Variants in TET2 observed in about 807,000 individuals in gnomAD.
TET2 encodes methylcytosine dioxygenase TET2.
In TET2, 299 loss-of-function variants were observed where a neutral mutation model predicts 142.9. The ratio of observed to expected loss-of-function variants is 2.09; its 90% CI spans 1.90 to 2.30. The LOEUF (loss-of-function observed/expected upper bound fraction) is 2.30. Among genes scored for constraint, TET2 ranks in the 30% most tolerant of loss-of-function variants. The pLI, the probability that TET2 is intolerant of heterozygous loss-of-function variation, is 0.00. For missense variants in TET2, 2,418 were observed against 2,378.0 expected, an observed-to-expected ratio of 1.02 and a Z score of -0.35; for synonymous variants, 819 against 849.0, an observed-to-expected ratio of 0.96 and a Z score of 0.61.
intron 1 of TET2, among the ~76,000 whole-genome samples, chr4:105,186,227 C>G (rs1256473237): frequency 6.6e-6 from 1 of 152,052 alleles, no homozygotes; most frequent in Non-Finnish European, 1.5e-5. Context: ...AAGACCCTGT[C>G]TCAAGAAAAC....
rs1221742362 is a variant in TET2, at chr4:105,234,644, T to A, written c.702T>A (p.Tyr234Ter). The A allele has an allele frequency of 6.2e-7, 1 of 1,614,022 alleles. No individual in the cohort carries two copies. ...TGGAAAAAACACTGTCTCAATATTA[T>A]CCAGATTGTGTTTCCATTGCGGTGC... ...ELLEKTLSQY[Y>*]PDCVSIAVQK... The change falls in exon 3 of 11, where the codon TAT becomes TAA. Residue 234 changes from tyrosine (Y) to a stop codon, truncating the protein, a stop_gained. Coordinates refer to ENST00000380013, the MANE Select transcript of TET2 (RefSeq NM_001127208.3). LOFTEE classifies it high-confidence loss of function.
At chr4:105,269,773 C>A (rs2110301290) in intron 9 of TET2, 26 bp downstream of exon 9, 1 of 1,550,644 alleles carries the variant, frequency 6.4e-7, no homozygotes, top group Non-Finnish European at 8.7e-7. Flanking sequence ...GACAGCTTAG[C>A]AGCTGTTGAG....
rs755404521 is a variant in TET2, at chr4:105,236,453, T to A, written c.2511T>A (p.Asn837Lys). The change falls in exon 3 of 11, where the codon AAT becomes AAA. Residue 837 changes from asparagine (N) to lysine (K), a missense_variant. Physicochemically the swap from Asn to Lys is moderately conservative, Grantham distance 94. Transcript: ENST00000380013. The stretch of plus-strand genomic sequence containing the variant: ...AAATACAGGTTTCTTGTTCAAACAA[T>A]ACACACCTAGTTTCAGAGAATAAAG... ...ACKIQVSCSN[N>K]THLVSENKEQ... 1.8e-5 allele frequency: 29 copies of A among 1,614,054 alleles called. No individual in the cohort carries two copies. Among genetic ancestry groups the A allele is most frequent in the Non-Finnish European group, 2.5e-5 (29 of 1,179,992 alleles).
intron 6 of TET2, among the ~76,000 whole-genome samples, chr4:105,256,983 TAC>T (rs569470334): frequency 4.6e-5 from 7 of 152,214 alleles, no homozygotes; most frequent in Non-Finnish European, 1.0e-4. Flanking sequence ...GTTATTTAAA[TAC>T]AGTTTTCTTT....
rs1334737410 is a variant in TET2, at chr4:105,236,323, C to T, written c.2381C>T (p.Ser794Leu). The T allele has an allele frequency of 1.9e-6, 3 of 1,613,870 alleles. No individual in the cohort carries two copies. Among genetic ancestry groups the T allele is most frequent in the Non-Finnish European group, 2.5e-6 (3 of 1,180,000 alleles). Residue 794 changes from serine to leucine, a missense_variant, in exon 3 of 11, where the codon TCA (serine) becomes TTA (leucine). Ser to Leu is a moderately radical substitution (Grantham distance 145). Coordinates refer to ENST00000380013, the MANE Select transcript of TET2 (RefSeq NM_001127208.3). The part of the protein sequence containing the change: ...CFHGENQYSK[S>L]SEFETHNVQM... ...CATGGTGAAAATCAGTATTCAAAAT[C>T]AAGCGAGTTCGAGACTCATAATGTC...
intron 8 of TET2, among the ~76,000 whole-genome samples, chr4:105,262,845 C>T (rs1730506684): frequency 6.6e-6 from 1 of 151,166 alleles, no homozygotes; most frequent in African/African-American, 2.4e-5. Context: ...CAAACCATTG[C>T]ACTCCAGCCT....
chr4:105,165,145 C>T (rs12641113), intron 1 of TET2, among the ~76,000 whole-genome samples: 31,301 of 151,934 alleles, frequency 0.21, 4,185 homozygotes, highest in East Asian at 0.62. Context: ...GAGGCCGAGG[C>T]GGGCAGATCA....
chr4:105,239,351 A>G lies in TET2; in HGVS notation c.3410-1988A>G, dbSNP rs2110243990. On this transcript the variant is annotated intron_variant, in intron 3 of 10. Coordinates refer to ENST00000380013, the MANE Select transcript of TET2 (RefSeq NM_001127208.3). ...TGACTTCTATCTATGAAAGTCTTAG[A>G]TGGCACCTTGTTTCAATAGTAGGCT... 1.2e-5 allele frequency: 3 copies of G among 240,504 alleles called. No individual in the cohort carries two copies. In the East Asian group the frequency reaches 1.9e-4, roughly 15 times the overall value. The allele number at this position is 240,504 out of a possible 1,614,324, so 14.9% of individuals were successfully genotyped here.
chr4:105,204,344 G>A (rs1470713406), intron 2 of TET2, among the ~76,000 whole-genome samples: 2 of 150,438 alleles, frequency 1.3e-5, no homozygotes, highest in African/African-American at 4.9e-5. Context: ...TCAAGGACAA[G>A]AATCTTGAAT....
chr4:105,204,234 T>TACAC (rs763239434), intron 2 of TET2, among the ~76,000 whole-genome samples: 3,484 of 125,854 alleles, frequency 0.028, 59 homozygotes, highest in African/African-American at 0.032. Context: ...AAAAAATATA[T>TACAC]ACACACACAC....
At chr4:105,273,262 C>A (rs72963046) in intron 10 of TET2, among the ~76,000 whole-genome samples, 1,900 of 152,302 alleles carry the variant, frequency 0.012, 38 homozygotes, top group African/African-American at 0.042. Context: ...CCAGAGTCTT[C>A]TCTAAAGTAG....
At chr4:105,260,452 C>G (rs1427785517) in intron 7 of TET2, among the ~76,000 whole-genome samples, 1 of 151,514 alleles carries the variant, frequency 6.6e-6, no homozygotes, top group Non-Finnish European at 1.5e-5. Flanking sequence ...CCAATAAACC[C>G]ATCCTAAAGT....
Position 105,233,901 on chromosome 4 carries a change from C to A in TET2, c.-42C>A. On this transcript the variant is annotated 5_prime_UTR_variant, in exon 3 of 11. Transcript: ENST00000380013. ...TTTTGTTTCCATGCTCTTTAGAATT[C>A]AACTAGAGGGCAGCCTTGTGGATGG... is the stretch of plus-strand genomic sequence containing the variant. 6.5e-7 allele frequency: 1 copy of A among 1,546,042 alleles called. No homozygotes were observed. Among genetic ancestry groups the A allele is most frequent in the Non-Finnish European group, 8.7e-7 (1 of 1,143,194 alleles).
At position 105,279,144 on chromosome 4, in the gene TET2, T is replaced by C. The variant is rs1443792065; in HGVS notation, c.*2625T>C. The stretch of plus-strand genomic sequence containing the variant: ...TACAAACCACATGATTTTAATGTTT[T>C]TTGTATACCATAATATCTAGCCCCA... On this transcript the variant is annotated 3_prime_UTR_variant, in exon 11 of 11. Coordinates refer to ENST00000380013, the MANE Select transcript of TET2 (RefSeq NM_001127208.3). The C allele has an allele frequency of 8.6e-6, 2 of 232,516 alleles. No individual in the cohort carries two copies. Among genetic ancestry groups the C allele is most frequent in the African/African-American group, 4.4e-5 (2 of 45,328 alleles). 14.4% of individuals were successfully genotyped at this position (232,516 alleles called of 1,614,324 possible). A position where few individuals can be genotyped will look rare whatever the true frequency, so the allele number is the denominator to read the frequency against.
intron 6 of TET2, among the ~76,000 whole-genome samples, chr4:105,254,743 T>G (rs1730038752): frequency 6.6e-6 from 1 of 152,136 alleles, no homozygotes; most frequent in East Asian, 1.9e-4. Flanking sequence ...AACAATAGAA[T>G]GGTATATGGC....
Position 105,236,394 on chromosome 4 carries a change from CCT to C in TET2, c.2453_2454del (p.Pro818LeufsTer2), listed in dbSNP as rs1339021780. 6.2e-7 allele frequency: 1 copy of C among 1,613,916 alleles called. No individual in the cohort carries two copies. The highest frequency in any genetic ancestry group is 8.5e-7 in the Non-Finnish European group (1 of 1,179,972). ...EVQNINRRNS[P>X]YSQTMKSSAC... ...ACAGAATATAAATCGTAGAAATTCCCCTTATAGTCAGACCATGAAATCAAGTG... is the reference window on the plus strand; with the variant it reads ...ACAGAATATAAATCGTAGAAATTCCCTATAGTCAGACCATGAAATCAAGTG... On this transcript the variant is annotated frameshift_variant, in exon 3 of 11. Transcript: ENST00000380013. LOFTEE classifies it high-confidence loss of function.
At chr4:105,175,387 C>T (rs966718891) in intron 1 of TET2, among the ~76,000 whole-genome samples, 2 of 151,462 alleles carry the variant, frequency 1.3e-5, no homozygotes, top group East Asian at 1.9e-4. Context: ...TAGGAAAGAA[C>T]CAAAGAGAAA....
In TET2 at chr4:105,170,067, T is replaced by A. The variant is rs185409966; in HGVS notation, c.-192-20293T>A. ...TTGCTTTGGCTCTGTGGGTTCTTTT[T>A]TGTTTTCATATGAATTTTAAAATTG... On this transcript the variant is annotated intron_variant, in intron 1 of 10. Coordinates refer to ENST00000380013, the MANE Select transcript of TET2 (RefSeq NM_001127208.3). 7.4e-4 allele frequency among the ~76,000 whole-genome samples: 112 copies of A among 152,304 alleles called. 1 individual carries two copies. In the South Asian group the frequency reaches 0.018, roughly 25 times the overall value.
intron 2 of TET2, among the ~76,000 whole-genome samples, chr4:105,217,175 TTGGA>T (rs369954436): frequency 5.3e-5 from 8 of 152,164 alleles, no homozygotes; most frequent in African/African-American, 1.7e-4. Context: ...AAGGCATAAC[TTGGA>T]TGGTCTGTTT....
Sources: gnomAD v4.1 joint callset for allele counts (sites outside exome capture counted in the v4.1 genomes callset) on GRCh38, gnomAD v4.1.1 for gene constraint, MANE v1.5 for transcripts, NCBI Gene and HGNC (gene_info 2026-07-23, HGNC 2026-07-21) for gene names.